WNK2: variants seen among roughly 807,000 people sequenced by gnomAD.
The protein encoded by WNK2 is serine/threonine-protein kinase WNK2.
A neutral mutation model predicts 192.1 loss-of-function variants in WNK2; 67 were observed. The ratio of observed to expected loss-of-function variants is 0.35; its 90% CI spans 0.29 to 0.43. WNK2 has a LOEUF of 0.43. Ranked by LOEUF, WNK2 falls within the 20% of genes least tolerant of loss-of-function variation. WNK2 has a pLI of 1.00. For synonymous variants in WNK2, 1,439 were observed against 1,393.9 expected (o/e 1.03, Z -0.72); for missense variants, 2,698 against 3,089.7 (o/e 0.87, Z 3.01).
intron 26 of WNK2, among the ~76,000 whole-genome samples, chr9:93,302,897 C>T (rs16909000): frequency 0.027 from 4,089 of 150,940 alleles, 93 homozygotes; most frequent in East Asian, 0.076. Flanking sequence ...GGGGAGCTCA[C>T]ATGACCCAGT....
At chr9:93,295,603 C>T (rs1441727555) in intron 23 of WNK2, among the ~76,000 whole-genome samples, 1 of 151,934 alleles carries the variant, frequency 6.6e-6, no homozygotes, top group East Asian at 1.9e-4. Context: ...TTACAGGCCT[C>T]CAGCCAGGGC....
chr9:93,225,041 G>A (rs1222118279), intron 2 of WNK2, among the ~76,000 whole-genome samples: 1 of 152,156 alleles, frequency 6.6e-6, no homozygotes, highest in East Asian at 1.9e-4. Flanking sequence ...GCTCTGTGGG[G>A]GCAGCATACC....
At chr9:93,236,808 G>T (rs982667682) in intron 5 of WNK2, among the ~76,000 whole-genome samples, 2 of 152,262 alleles carry the variant, frequency 1.3e-5, no homozygotes, top group Non-Finnish European at 2.9e-5. Flanking sequence ...TGGGGAGGAA[G>T]CCCAGGTGTG....
rs547696656 is a variant in WNK2 at position 93,259,717 on chromosome 9, T to C, written c.3066+103T>C. ...AGGCAGGCAAGGAGGCAGCCCTGCC[T>C]GGGGTCGCCCCTCTCAGGAAGAGAT... On this transcript the variant is annotated intron_variant, in intron 12 of 29. Transcript: ENST00000427277. The surrounding 1 kb of genome is among the most constrained non-coding windows in gnomAD (Gnocchi z 4.8). 3.5e-6 allele frequency: 4 copies of C among 1,150,564 alleles called. No individual in the cohort carries two copies. The South Asian group carries it at 4.9e-5, about 14-fold the overall frequency. The allele number at this position is 1,150,564 out of a possible 1,614,324, so 71.3% of individuals were successfully genotyped here.
intron 2 of WNK2, among the ~76,000 whole-genome samples, chr9:93,200,434 G>A (rs1009841983): frequency 1.3e-5 from 2 of 152,244 alleles, no homozygotes; most frequent in Non-Finnish European, 2.9e-5. Context: ...GGTGGTGGGA[G>A]AACCACAGTG....
At chr9:93,296,026 TCCCCTCTCCATCA>T in intron 23 of WNK2, among the ~76,000 whole-genome samples, 2 of 64,108 alleles carry the variant, frequency 3.1e-5, no homozygotes. Flanking sequence ...CTCACCTTCC[TCCCCTCTCCATCA>T]TCCCCTCCAT....
chr9:93,313,287 C>T (rs1358342052), intron 28 of WNK2, among the ~76,000 whole-genome samples: 1 of 151,804 alleles, frequency 6.6e-6, no homozygotes, highest in Admixed American at 6.6e-5. Flanking sequence ...TTTTAGGTCA[C>T]TAAATTTTTC....
chr9:93,247,947 G>A lies in WNK2; in HGVS notation c.1834+113G>A. 8.0e-7 allele frequency: 1 copy of A among 1,252,138 alleles called. No homozygotes were observed. Among genetic ancestry groups the A allele is most frequent in the Non-Finnish European group, 1.1e-6 (1 of 918,440 alleles). The allele number at this position is 1,252,138 out of a possible 1,614,324, so 77.6% of individuals were successfully genotyped here. Reference sequence around the variant, plus strand: ...CTCCCTTTATTGGAATGCTTTGTGAGGAAGGGGGTCCGCATGGCATCCCCT... The same window carrying A: ...CTCCCTTTATTGGAATGCTTTGTGAAGAAGGGGGTCCGCATGGCATCCCCT... On this transcript the variant is annotated intron_variant, in intron 8 of 29. Transcript: ENST00000427277. The surrounding 1 kb of genome is among the most constrained non-coding windows in gnomAD (Gnocchi z 5.2).
At position 93,239,226 on chromosome 9, in the gene WNK2, C is replaced by A. The variant is rs1355278112; in HGVS notation, c.1323-531C>A. On this transcript the variant is annotated intron_variant, in intron 6 of 29. Transcript: ENST00000427277. This position sits in a 1 kb window ranked among gnomAD's most constrained non-coding sequence, Gnocchi z 4.2. ...CTGGGGCCCCCCCAGTTCTGCAGGT[C>A]CTCACTCTCCTCCAGCTCACCCTCT... is the stretch of plus-strand genomic sequence containing the variant. 6.6e-6 allele frequency among the ~76,000 whole-genome samples: 1 copy of A among 152,182 alleles called. No homozygotes were observed. The highest frequency in any genetic ancestry group is 1.5e-5 in the Non-Finnish European group (1 of 68,026).
Position 93,292,543 on chromosome 9 carries a change from G to A in WNK2, c.5078G>A (p.Gly1693Asp). Reference sequence around the variant, plus strand: ...CGTGTGGAGCCCACAGACAGGGATGGTGGAGAAGCTGGAGAAAGCTCGGCA... The same window carrying A: ...CGTGTGGAGCCCACAGACAGGGATGATGGAGAAGCTGGAGAAAGCTCGGCA... The part of the protein sequence containing the change: ...PARVEPTDRD[G>D]GEAGESSAEP... Residue 1693 changes from glycine to aspartate, a missense_variant, in exon 23 of 30, where the codon GGT becomes GAT. Coordinates refer to ENST00000427277, the MANE Select transcript of WNK2 (RefSeq NM_006648.4). 6.3e-7 allele frequency: 1 copy of A among 1,575,818 alleles called. No homozygotes were observed. The highest frequency in any genetic ancestry group is 8.6e-7 in the Non-Finnish European group (1 of 1,158,596).
At chr9:93,305,241 G>C (rs7866298) in intron 26 of WNK2, among the ~76,000 whole-genome samples, 139,212 of 152,288 alleles carry the variant, frequency 0.91, 64,029 homozygotes, top group East Asian at 1. Flanking sequence ...CACAGCCCCC[G>C]ACAAAGCCTG....
At chr9:93,269,096 G>C (rs1302097860) in intron 19 of WNK2, 1 of 750,930 alleles carries the variant, frequency 1.3e-6, no homozygotes, top group Non-Finnish European at 2.2e-6. Flanking sequence ...CACACCTGCA[G>C]CAGACACGCC....
At chr9:93,249,896 A>G (rs1842296446) in intron 8 of WNK2, among the ~76,000 whole-genome samples, 1 of 145,034 alleles carries the variant, frequency 6.9e-6, no homozygotes, top group Non-Finnish European at 1.5e-5. Flanking sequence ...TAGAGGCAAC[A>G]GATGCTACCA....
chr9:93,259,174 A>G lies in WNK2; in HGVS notation c.2626A>G (p.Ile876Val). The G allele has an allele frequency of 1.9e-6, 3 of 1,609,924 alleles. No individual in the cohort carries two copies. Among genetic ancestry groups the G allele is most frequent in the Non-Finnish European group, 2.5e-6 (3 of 1,179,162 alleles). ...GCCCCTGGCCATGCCCTGCCGGACC[A>G]TTGTGCCAAATGCACCGGCCACTAT... ...GAPLAMPCRT[I>V]VPNAPATIPL... Residue 876 changes from isoleucine to valine, a missense_variant, in exon 12 of 30, where the codon ATT (isoleucine) becomes GTT (valine). Physicochemically the swap from Ile to Val is conservative, Grantham distance 29 (BLOSUM62 3). This residue lies in a region of WNK2 where 893 missense variants were observed against 909.0 expected (regional missense o/e 0.98). Coordinates refer to ENST00000427277, the MANE Select transcript of WNK2 (RefSeq NM_006648.4). The surrounding 1 kb of genome is among the most constrained non-coding windows in gnomAD (Gnocchi z 4.8).
At chr9:93,198,876 C>A (rs1208828222) in intron 2 of WNK2, among the ~76,000 whole-genome samples, 2 of 152,178 alleles carry the variant, frequency 1.3e-5, no homozygotes, top group East Asian at 3.9e-4. Context: ...GCCTTGCTGC[C>A]CAAGACCTGC....
rs1342272105 is a variant in WNK2 at position 93,234,800 on chromosome 9, G to A, written c.1076-8G>A. ...GCTGACAGCTGCGTCTGTTGCTTCCGGGCACAGGTACTCCCGAGTTCATGG... is the reference window on the plus strand; with the variant it reads ...GCTGACAGCTGCGTCTGTTGCTTCCAGGCACAGGTACTCCCGAGTTCATGG... On this transcript the variant is annotated splice_polypyrimidine_tract_variant and splice_region_variant and intron_variant, in intron 4 of 29. Transcript: ENST00000427277. 1 of 1,609,630 alleles carries A rather than the reference G, an allele frequency of 6.2e-7. No individual in the cohort carries two copies.
intron 2 of WNK2, among the ~76,000 whole-genome samples, chr9:93,202,374 C>A (rs1437271953): frequency 1.0e-5 from 1 of 100,006 alleles, no homozygotes. Flanking sequence ...GTGTATGTCT[C>A]GTCTTTGGCT....
At chr9:93,217,923 A>G (rs948805007) in intron 2 of WNK2, among the ~76,000 whole-genome samples, 1 of 151,968 alleles carries the variant, frequency 6.6e-6, no homozygotes, top group Non-Finnish European at 1.5e-5. Flanking sequence ...GCGTAGGCGT[A>G]GAAGACCAAG....
At chr9:93,281,989 C>G (rs1847814315) in intron 19 of WNK2, among the ~76,000 whole-genome samples, 1 of 152,074 alleles carries the variant, frequency 6.6e-6, no homozygotes, top group Non-Finnish European at 1.5e-5. Context: ...TATTTTTAGA[C>G]AGAAGAACAA....
Sources: gnomAD v4.1 joint callset for allele counts (sites outside exome capture counted in the v4.1 genomes callset) on GRCh38, gnomAD v4.1.1 for gene constraint, gnomAD v4.1.1 regional missense constraint, Gnocchi (gnomAD v3.1) non-coding constraint, MANE v1.5 for transcripts, NCBI Gene and HGNC (gene_info 2026-07-23, HGNC 2026-07-21) for gene names.